ZFR: variants seen among roughly 807,000 people sequenced by gnomAD.
ZFR encodes zinc finger RNA binding protein.
ZFR carries 19 observed loss-of-function variants against 130.7 expected under a neutral mutation model. That is an observed-to-expected ratio of 0.15 (90% CI 0.10 to 0.21). The LOEUF is 0.21. Ranked by LOEUF, ZFR falls within the 10% of genes least tolerant of loss-of-function variation. The probability of loss-of-function intolerance (pLI) is 1.00; values close to 1 mark genes in which losing one functional copy is unlikely to be tolerated. For missense variants in ZFR, 872 were observed against 1,321.5 expected, an observed-to-expected ratio of 0.66 and a Z score of 5.27; for synonymous variants, 466 against 456.9, an observed-to-expected ratio of 1.02 and a Z score of -0.25.
intron 4 of ZFR, 126 bp downstream of exon 4, chr5:32,417,522 T>C (rs1753853374): frequency 4.2e-6 from 5 of 1,202,852 alleles, no homozygotes; most frequent in Admixed American, 2.2e-5. Flanking sequence ...AGGACAGGTC[T>C]AGAACCTGCC....
rs1753722240 is a variant in ZFR at position 32,411,888 on chromosome 5, T to G, written c.784+3081A>C. ...TCATTTTATATATGTGACTTGAGCA[T>G]CCACAAATTTTGGTATCAATGGGGG... On this transcript the variant is annotated intron_variant, in intron 5 of 19. Coordinates refer to ENST00000265069, the MANE Select transcript of ZFR (RefSeq NM_016107.5). 3.3e-5 allele frequency among the ~76,000 whole-genome samples: 5 copies of G among 152,196 alleles called. No homozygotes were observed. In the South Asian group the frequency reaches 1.0e-3, roughly 32 times the overall value.
intron 19 of ZFR, among the ~76,000 whole-genome samples, chr5:32,356,168 C>G (rs572274844): frequency 6.6e-6 from 1 of 151,236 alleles, no homozygotes; most frequent in Non-Finnish European, 1.5e-5. Flanking sequence ...AAAAAAAAAA[C>G]CAAAAAACTT....
intron 2 of ZFR, among the ~76,000 whole-genome samples, chr5:32,432,912 T>C (rs902289625): frequency 7.0e-6 from 1 of 143,110 alleles, no homozygotes; most frequent in African/African-American, 2.5e-5. Context: ...TTTTTTTTTT[T>C]AAACAGAGAT....
intron 2 of ZFR, among the ~76,000 whole-genome samples, chr5:32,442,139 T>C (rs376592652): frequency 4.6e-5 from 7 of 152,206 alleles, no homozygotes; most frequent in African/African-American, 1.4e-4. Flanking sequence ...CCCACCACTT[T>C]ACAGTAAATA....
intron 6 of ZFR, among the ~76,000 whole-genome samples, chr5:32,405,781 C>T (rs552464488): frequency 6.6e-6 from 1 of 152,262 alleles, no homozygotes; most frequent in South Asian, 2.1e-4. Context: ...CAATCCACAA[C>T]AAAACTATTT....
At chr5:32,418,186 G>T (rs932037230) in intron 3 of ZFR, among the ~76,000 whole-genome samples, 3 of 151,892 alleles carry the variant, frequency 2.0e-5, no homozygotes, top group African/African-American at 7.3e-5. Flanking sequence ...CATGAACCCG[G>T]GAGGCGGAGG....
chr5:32,440,349 A>T (rs1430127605), intron 2 of ZFR, among the ~76,000 whole-genome samples: 23 of 152,286 alleles, frequency 1.5e-4, no homozygotes, highest in Middle Eastern at 3.4e-3. Flanking sequence ...TACTTGACTT[A>T]AAAAAATGCA....
At chr5:32,442,243 AATC>A (rs1344791130) in intron 2 of ZFR, among the ~76,000 whole-genome samples, 1 of 152,220 alleles carries the variant, frequency 6.6e-6, no homozygotes, top group Non-Finnish European at 1.5e-5. Flanking sequence ...GGTTAAACAC[AATC>A]TTTTCTAGAC....
chr5:32,402,784 G>GAAAA (rs34053562), intron 8 of ZFR, among the ~76,000 whole-genome samples: 1 of 133,680 alleles, frequency 7.5e-6, no homozygotes. Flanking sequence ...TCTCAAAAAT[G>GAAAA]AAAAAAAAAA....
intron 2 of ZFR, among the ~76,000 whole-genome samples, chr5:32,433,241 T>A (rs1754261798): frequency 1.3e-5 from 2 of 152,210 alleles, no homozygotes; most frequent in African/African-American, 2.4e-5. Flanking sequence ...TTAATTTTAG[T>A]CATTTAACAA....
intron 17 of ZFR, among the ~76,000 whole-genome samples, chr5:32,377,108 A>T (rs188214571): frequency 0.012 from 1,742 of 147,608 alleles, 34 homozygotes; most frequent in African/African-American, 0.04. Flanking sequence ...GTGAGCCAAG[A>T]TCGTGCCACT....
rs374442465 is a variant in ZFR at position 32,388,409 on chromosome 5, G to A, written c.2348+60C>T. On this transcript the variant is annotated intron_variant, in intron 13 of 19. Transcript: ENST00000265069. The stretch of plus-strand genomic sequence containing the variant: ...ACCAGTCATAAGCTATATTTCAAAT[G>A]TAAGAAGTCCACATAAGAAAAACCA... 8.4e-4 allele frequency: 1,257 copies of A among 1,488,720 alleles called. 5 individuals are homozygous for A. The African/African-American group carries it at 0.011, about 13-fold the overall frequency. 92.2% of individuals were successfully genotyped at this position (1,488,720 alleles called of 1,614,324 possible).
At chr5:32,361,545 G>T (rs572469351) in intron 19 of ZFR, among the ~76,000 whole-genome samples, 53 of 150,930 alleles carry the variant, frequency 3.5e-4, no homozygotes, top group African/African-American at 1.2e-3. Flanking sequence ...AATATCAAAA[G>T]ATATCTCATA....
chr5:32,379,012 A>T (rs1752884478), intron 17 of ZFR, 103 bp downstream of exon 17: 1 of 806,926 alleles, frequency 1.2e-6, no homozygotes, highest in Non-Finnish European at 1.9e-6. Flanking sequence ...AACTATATTT[A>T]GTAAATGCAA....
chr5:32,413,253 A>G (rs1303118732), intron 5 of ZFR, among the ~76,000 whole-genome samples: 2 of 152,116 alleles, frequency 1.3e-5, no homozygotes, highest in Admixed American at 6.6e-5. Flanking sequence ...AAAACCTGAT[A>G]TAAAAAGTTG....
intron 17 of ZFR, among the ~76,000 whole-genome samples, chr5:32,369,439 C>T (rs1160226321): frequency 6.6e-6 from 1 of 152,120 alleles, no homozygotes; most frequent in African/African-American, 2.4e-5. Context: ...CAGTTTTCTT[C>T]ACCTTTCTTT....
chr5:32,399,237 T>G (rs953931762), intron 9 of ZFR, among the ~76,000 whole-genome samples: 1 of 151,830 alleles, frequency 6.6e-6, no homozygotes, highest in African/African-American at 2.4e-5. Flanking sequence ...ACTGTGTCAC[T>G]ACACTCCAGC....
chr5:32,375,383 A>C (rs2111694629), intron 17 of ZFR, among the ~76,000 whole-genome samples: 1 of 152,366 alleles, frequency 6.6e-6, no homozygotes, highest in East Asian at 1.9e-4. Context: ...TTTTTAATAC[A>C]ATCAGTAACG....
intron 17 of ZFR, among the ~76,000 whole-genome samples, chr5:32,373,710 C>T (rs1303458854): frequency 6.6e-6 from 1 of 151,710 alleles, no homozygotes; most frequent in African/African-American, 2.4e-5. Flanking sequence ...AAACCACTGC[C>T]TGAAGAATAC....
Sources: allele counts gnomAD v4.1 joint callset (sites outside exome capture counted in the v4.1 genomes callset), GRCh38; gene constraint gnomAD v4.1.1; transcripts MANE v1.5; gene names NCBI Gene and HGNC (gene_info 2026-07-23, HGNC 2026-07-21).